MDFIC: variants seen among roughly 807,000 people sequenced by gnomAD.
The protein encoded by MDFIC is myoD family inhibitor domain-containing protein.
MDFIC carries 17 observed loss-of-function variants against 23.2 expected under a neutral mutation model. The observed-to-expected ratio is 0.73, with a 90% CI of 0.50 to 1.10. The LOEUF is 1.10. Among genes scored for constraint, MDFIC ranks in the 50% least tolerant of loss-of-function variants. The probability of loss-of-function intolerance (pLI) is 0.00; values close to 1 mark genes in which losing one functional copy is unlikely to be tolerated. For missense variants in MDFIC, 356 were observed against 316.6 expected (o/e 1.12, Z -0.95); for synonymous variants, 120 against 115.2 (o/e 1.04, Z -0.27).
intron 3 of MDFIC, among the ~76,000 whole-genome samples, chr7:114,949,092 A>C (rs1021049884): frequency 2.0e-5 from 3 of 152,174 alleles, no homozygotes; most frequent in Admixed American, 1.3e-4. Flanking sequence ...TTATTGTCTT[A>C]TTATTATCAT....
At chr7:114,978,579 G>A (rs1192117568) in intron 3 of MDFIC, among the ~76,000 whole-genome samples, 3 of 151,592 alleles carry the variant, frequency 2.0e-5, no homozygotes, top group Non-Finnish European at 4.4e-5. Context: ...TTGTTAATCG[G>A]TTATACTCTT....
At chr7:114,979,854 G>C in intron 4 of MDFIC, 73 bp downstream of exon 4, 1 of 1,520,982 alleles carries the variant, frequency 6.6e-7, no homozygotes. Flanking sequence ...ATTTGATCAA[G>C]CATATATAAT....
intron 2 of MDFIC, chr7:114,923,364 C>T: frequency 7.5e-7 from 1 of 1,337,802 alleles, no homozygotes; most frequent in Non-Finnish European, 1.0e-6. Flanking sequence ...CCTTTGGTTG[C>T]GAAGAAACAG....
chr7:114,970,525 C>A (rs111797622), intron 3 of MDFIC, among the ~76,000 whole-genome samples: 1 of 152,074 alleles, frequency 6.6e-6, no homozygotes. Context: ...CTATCCATAT[C>A]GCCTTTTGTA....
At chr7:115,012,662 A>G (rs983459478) in intron 4 of MDFIC, among the ~76,000 whole-genome samples, 1 of 152,138 alleles carries the variant, frequency 6.6e-6, no homozygotes, top group African/African-American at 2.4e-5. Context: ...AAAAACACTG[A>G]TGATGACCAA....
At chr7:114,945,063 T>A (rs984926696) in intron 3 of MDFIC, among the ~76,000 whole-genome samples, 1 of 152,244 alleles carries the variant, frequency 6.6e-6, no homozygotes, top group Non-Finnish European at 1.5e-5. Context: ...CTCAGCTGCA[T>A]ACGCAAGAAG....
At chr7:114,976,745 G>T (rs931765762) in intron 3 of MDFIC, among the ~76,000 whole-genome samples, 23 of 152,036 alleles carry the variant, frequency 1.5e-4, no homozygotes, top group African/African-American at 5.6e-4. Flanking sequence ...GCTAATAAAT[G>T]AGTAGAATAT....
intron 4 of MDFIC, among the ~76,000 whole-genome samples, chr7:115,009,907 G>T (rs532030409): frequency 2.0e-5 from 3 of 152,174 alleles, no homozygotes; most frequent in Non-Finnish European, 2.9e-5. Flanking sequence ...TGCCAGTCTT[G>T]TGCTGAGTTC....
intron 3 of MDFIC, among the ~76,000 whole-genome samples, chr7:114,953,834 A>T (rs141281738): frequency 6.6e-6 from 1 of 152,206 alleles, no homozygotes; most frequent in Non-Finnish European, 1.5e-5. Context: ...ACCTAATACA[A>T]TGTAAATGCT....
intron 2 of MDFIC, among the ~76,000 whole-genome samples, chr7:114,925,798 T>A (rs1057322853): frequency 2.6e-5 from 4 of 152,228 alleles, no homozygotes; most frequent in African/African-American, 9.6e-5. Context: ...AGTTTGCAAC[T>A]AATTAAACAC....
chr7:114,950,367 T>C (rs1197321800), intron 3 of MDFIC, among the ~76,000 whole-genome samples: 1 of 151,998 alleles, frequency 6.6e-6, no homozygotes, highest in Non-Finnish European at 1.5e-5. Flanking sequence ...TTTGGACAAG[T>C]GATAGTTGTG....
chr7:114,948,105 A>C (rs1792685945), intron 3 of MDFIC, among the ~76,000 whole-genome samples: 1 of 152,166 alleles, frequency 6.6e-6, no homozygotes, highest in Admixed American at 6.5e-5. Flanking sequence ...ATGATGACTT[A>C]AGTGTATTGA....
chr7:114,992,225 C>T (rs1436282196), intron 4 of MDFIC, among the ~76,000 whole-genome samples: 1 of 152,214 alleles, frequency 6.6e-6, no homozygotes, highest in Non-Finnish European at 1.5e-5. Flanking sequence ...GCTGAAGTTG[C>T]TTATCAGCTT....
chr7:114,980,440 C>G (rs546888996), intron 4 of MDFIC, among the ~76,000 whole-genome samples: 2 of 152,334 alleles, frequency 1.3e-5, no homozygotes, highest in South Asian at 4.1e-4. Flanking sequence ...TCAGTTCTAT[C>G]TCATCCTGCC....
chr7:114,964,884 A>G (rs1171960158), intron 3 of MDFIC, among the ~76,000 whole-genome samples: 1 of 152,162 alleles, frequency 6.6e-6, no homozygotes, highest in Non-Finnish European at 1.5e-5. Flanking sequence ...CACTGTTCTC[A>G]GTGCTGGATC....
At chr7:114,951,435 T>A (rs1165423851) in intron 3 of MDFIC, among the ~76,000 whole-genome samples, 1 of 152,124 alleles carries the variant, frequency 6.6e-6, no homozygotes, top group Non-Finnish European at 1.5e-5. Flanking sequence ...ATATACAAAA[T>A]GATAATTTAA....
Position 114,922,429 on chromosome 7 carries a change from A to C in MDFIC, c.-315A>C, listed in dbSNP as rs1486167205. The C allele has an allele frequency of 5.6e-6, 7 of 1,241,278 alleles. No individual in the cohort carries two copies. Among genetic ancestry groups the C allele is most frequent in the Non-Finnish European group, 7.1e-6 (7 of 989,008 alleles). 76.9% of individuals were successfully genotyped at this position (1,241,278 alleles called of 1,614,324 possible). ...AAGAGGGGGCGGAGTGCGCGGAGTC[A>C]GAGCCGCCACCGCTGCCGCAGTTGC... On this transcript the variant is annotated 5_prime_UTR_variant, in exon 1 of 5. Transcript: ENST00000393486.
chr7:114,980,723 C>T (rs1398510632), intron 4 of MDFIC, among the ~76,000 whole-genome samples: 1 of 151,996 alleles, frequency 6.6e-6, no homozygotes, highest in African/African-American at 2.4e-5. Context: ...CTCCTTATTC[C>T]CCTTTCCTTT....
chr7:115,015,179 G>T (rs1395417236), intron 4 of MDFIC, among the ~76,000 whole-genome samples: 1 of 152,102 alleles, frequency 6.6e-6, no homozygotes, highest in Non-Finnish European at 1.5e-5. Context: ...AAGTCTTAAT[G>T]GATTCTGGTT....
Sources: gnomAD v4.1 joint callset for allele counts (sites outside exome capture counted in the v4.1 genomes callset) on GRCh38, gnomAD v4.1.1 for gene constraint, MANE v1.5 for transcripts, NCBI Gene and HGNC (gene_info 2026-07-23, HGNC 2026-07-21) for gene names.